Variants in GOLGA6L2 observed in about 807,000 individuals in gnomAD.
The protein encoded by GOLGA6L2 is golgin A6 family like 2.
In GOLGA6L2, 30 loss-of-function variants were observed where a neutral mutation model predicts 35.9. That is an observed-to-expected ratio of 0.83 (90% CI 0.62 to 1.13). The LOEUF (loss-of-function observed/expected upper bound fraction) is 1.13, where lower values mean the gene tolerates loss of function less well. GOLGA6L2 is among the 50% of genes most tolerant of loss of function. The pLI, the probability that GOLGA6L2 is intolerant of heterozygous loss-of-function variation, is 0.00. For missense variants in GOLGA6L2, 821 were observed against 973.4 expected (o/e 0.84, Z 2.08); for synonymous variants, 297 against 344.0 (o/e 0.86, Z 1.51).
At chr15:23,442,314 C>G in intron 6 of GOLGA6L2, 136 bp downstream of exon 6, 3 of 1,187,154 alleles carry the variant, frequency 2.5e-6, no homozygotes, top group Non-Finnish European at 3.6e-6. Context: ...AGTGGCACAG[C>G]CGGCACTAGA....
Position 23,439,271 on chromosome 15 carries a change from C to A in GOLGA6L2, c.*474G>T, listed in dbSNP as rs28691768. 6.6e-6 allele frequency among the ~76,000 whole-genome samples: 1 copy of A among 151,072 alleles called. No homozygotes were observed. The highest frequency in any genetic ancestry group is 6.6e-5 in the Admixed American group (1 of 15,186). On this transcript the variant is annotated 3_prime_UTR_variant, in exon 8 of 8. Transcript: ENST00000567107. Reference sequence around the variant, plus strand: ...GTGATTACAGGCGTGCACAACCACGCCCGGCTAACTTGTATTTTTAGTAGA... The same window carrying A: ...GTGATTACAGGCGTGCACAACCACGACCGGCTAACTTGTATTTTTAGTAGA...
At position 23,439,842 on chromosome 15, in the gene GOLGA6L2, T is replaced by C. The variant is rs1567285906; in HGVS notation, c.2633A>G (p.Glu878Gly). The C allele has an allele frequency of 6.9e-7, 1 of 1,440,396 alleles. No individual in the cohort carries two copies. The highest frequency in any genetic ancestry group is 1.9e-5 in the African/African-American group (1 of 52,622). The allele number at this position is 1,440,396 out of a possible 1,614,324, so 89.2% of individuals were successfully genotyped here. A position where few individuals can be genotyped will look rare whatever the true frequency, so the allele number is the denominator to read the frequency against. ...GAGGDAREGG[E>G]DTRSEREDAG... ...ATCTTCTCTTTCTGATCTCGTATCC[T>C]CTCCTCCTTCTCTCGCATCTCCTCC... is the stretch of plus-strand genomic sequence containing the variant. The change falls in exon 8 of 8, where the codon GAG becomes GGG. Residue 878 changes from glutamate to glycine, a missense_variant. Around this residue, in one of 7 missense-constraint regions of GOLGA6L2, gnomAD observed 48 missense variants for 42.7 expected, o/e 1.12. Coordinates refer to ENST00000567107, the MANE Select transcript of GOLGA6L2 (RefSeq NM_001304388.2).
intron 1 of GOLGA6L2, among the ~76,000 whole-genome samples, chr15:23,446,095 C>A (rs1357339662): frequency 6.6e-6 from 1 of 152,196 alleles, no homozygotes; most frequent in Admixed American, 6.5e-5. Flanking sequence ...TTCCCAAGAT[C>A]TATTCCACAG....
rs762026839 is a variant in GOLGA6L2 at position 23,439,856 on chromosome 15, C to A, written c.2619G>T (p.Ala873=). ...GGEDVGAGGD[A]REGGEDTRSE... is the part of the protein sequence containing the mutation. ...ATCTCGTATCCTCTCCTCCTTCTCTCGCATCTCCTCCTGCCCCCACATCTT... is the reference window on the plus strand; with the variant it reads ...ATCTCGTATCCTCTCCTCCTTCTCTAGCATCTCCTCCTGCCCCCACATCTT... The change falls in exon 8 of 8, where the codon GCG becomes GCT. Residue 873 remains alanine (A), a synonymous_variant. Coordinates refer to ENST00000567107, the MANE Select transcript of GOLGA6L2 (RefSeq NM_001304388.2). 1 of 1,095,164 alleles carries A rather than the reference C, an allele frequency of 9.1e-7. No homozygotes were observed. 67.8% of individuals were successfully genotyped at this position (1,095,164 alleles called of 1,614,324 possible).
In GOLGA6L2 at chr15:23,441,738, AG is replaced by A. The variant is rs1352859887; in HGVS notation, c.793-57del. On this transcript the variant is annotated intron_variant, in intron 7 of 7. Transcript: ENST00000567107. ...ATATAAATGTAATCTATAAAATAAC[AG>A]TTTTCATCTATGATTCTTTAAAAAA... The A allele has an allele frequency of 2.4e-5, 35 of 1,429,470 alleles. 1 individual carries two copies. In the Admixed American group the frequency reaches 8.3e-4, roughly 34 times the overall value. 88.5% of individuals were successfully genotyped at this position (1,429,470 alleles called of 1,614,324 possible). A position where few individuals can be genotyped will look rare whatever the true frequency, so the allele number is the denominator to read the frequency against.
At chr15:23,444,619 A>C in intron 2 of GOLGA6L2, 119 bp from the exon 3 acceptor site, 1 of 827,908 alleles carries the variant, frequency 1.2e-6, no homozygotes, top group Non-Finnish European at 2.0e-6. Flanking sequence ...CTCAGACCCA[A>C]TGGGAACATG....
At chr15:23,443,609 A>T (rs375130685) in intron 5 of GOLGA6L2, among the ~76,000 whole-genome samples, 168 bp downstream of exon 5, 1 of 152,180 alleles carries the variant, frequency 6.6e-6, no homozygotes, top group East Asian at 1.9e-4. Context: ...CACCCACAGC[A>T]GCTGACTCAG....
intron 5 of GOLGA6L2, 81 bp from the exon 6 acceptor site, chr15:23,442,589 C>G: frequency 7.7e-7 from 1 of 1,305,686 alleles, no homozygotes; most frequent in South Asian, 1.3e-5. Flanking sequence ...TACACTGATA[C>G]TCCACAGTAA....
In GOLGA6L2 at chr15:23,439,387, T is replaced by C; in HGVS notation, c.*358A>G. 1 of 382,006 alleles carries C rather than the reference T, an allele frequency of 2.6e-6. No individual in the cohort carries two copies. Among genetic ancestry groups the C allele is most frequent in the South Asian group, 2.4e-5 (1 of 41,296 alleles). The allele number at this position is 382,006 out of a possible 1,614,324, so 23.7% of individuals were successfully genotyped here. On this transcript the variant is annotated 3_prime_UTR_variant, in exon 8 of 8. Coordinates refer to ENST00000567107, the MANE Select transcript of GOLGA6L2 (RefSeq NM_001304388.2). ...TAGGTCTCCCAAAGTGCTGCGGTTG[T>C]AGGTTTCGGCCACAAGGCCTGGCTA...
In GOLGA6L2 at chr15:23,439,363, A is replaced by C; in HGVS notation, c.*382T>G. 1 of 347,784 alleles carries C rather than the reference A, an allele frequency of 2.9e-6. No homozygotes were observed. The highest frequency in any genetic ancestry group is 5.5e-6 in the Non-Finnish European group (1 of 182,384). The allele number at this position is 347,784 out of a possible 1,614,324, so 21.5% of individuals were successfully genotyped here. A position where few individuals can be genotyped will look rare whatever the true frequency, so the allele number is the denominator to read the frequency against. ...TGACCTCAGGTGATCCACCCCCTCT[A>C]GGTCTCCCAAAGTGCTGCGGTTGTA... is the stretch of plus-strand genomic sequence containing the variant. On this transcript the variant is annotated 3_prime_UTR_variant, in exon 8 of 8. Transcript: ENST00000567107.
chr15:23,446,710 A>C (rs1886793017), intron 1 of GOLGA6L2, among the ~76,000 whole-genome samples: 1 of 151,912 alleles, frequency 6.6e-6, no homozygotes, highest in South Asian at 2.1e-4. Flanking sequence ...CCAAGTATGG[A>C]GCGGGGAGCC....
At position 23,441,524 on chromosome 15, in the gene GOLGA6L2, CCG is replaced by C. The variant is rs2070691543; in HGVS notation, c.949_950del (p.Arg317GlufsTer329). The C allele has an allele frequency of 7.3e-7, 1 of 1,365,562 alleles. No homozygotes were observed. The highest frequency in any genetic ancestry group is 2.0e-5 in the African/African-American group (1 of 50,232). 84.6% of individuals were successfully genotyped at this position (1,365,562 alleles called of 1,614,324 possible). ...GKMREQEEKM[R>X]RQEKRLREQE... Reference sequence around the variant, plus strand: ...GCTCTCGCAGCCTCTTCTCCTGTCTCCGCATCTTCTCCTCCTGCTCCCGCATC... The same window carrying C: ...GCTCTCGCAGCCTCTTCTCCTGTCTCCATCTTCTCCTCCTGCTCCCGCATC... On this transcript the variant is annotated frameshift_variant, in exon 8 of 8. Transcript: ENST00000567107. LOFTEE classifies it low-confidence loss of function (END_TRUNC).
intron 7 of GOLGA6L2, 148 bp from the exon 8 acceptor site, chr15:23,441,830 G>T (rs1409264150): frequency 7.4e-6 from 10 of 1,355,346 alleles, no homozygotes; most frequent in Non-Finnish European, 6.8e-6. Context: ...TAGATTTTTA[G>T]CACACTCTAG....
rs1214727972 is a variant in GOLGA6L2, at chr15:23,444,230, CAG to C, written c.244-20_244-19del. 1 of 1,603,276 alleles carries C rather than the reference CAG, an allele frequency of 6.2e-7. No individual in the cohort carries two copies. The highest frequency in any genetic ancestry group is 1.3e-5 in the African/African-American group (1 of 74,806). ...TTCTTTTCCTATAGAAAGAGGAAGACAGAGCTCTTACTAGGGGGAGGCAGAGA... is the reference window on the plus strand; with the variant it reads ...TTCTTTTCCTATAGAAAGAGGAAGACAGCTCTTACTAGGGGGAGGCAGAGA... On this transcript the variant is annotated intron_variant, in intron 3 of 7. Transcript: ENST00000567107.
chr15:23,441,909 T>C (rs970397296), intron 7 of GOLGA6L2, 70 bp downstream of exon 7: 574 of 1,505,896 alleles, frequency 3.8e-4, no homozygotes, highest in Non-Finnish European at 4.7e-4. Flanking sequence ...TCCCCATACC[T>C]TGCATGATCC....
In GOLGA6L2 at chr15:23,444,017, C is replaced by T. The variant is rs200593396; in HGVS notation, c.351G>A (p.Ala117=). ...LTCQKTELET[A]LYYSQDAARK... ...TGGCAGCATCCTGGCTGTAATAGAG[C>T]GCTGTCTCCAGTTCAGTTTTCTGAC... Residue 117 remains alanine (A), a synonymous_variant, in exon 5 of 8, where the codon GCG becomes GCA. Coordinates refer to ENST00000567107, the MANE Select transcript of GOLGA6L2 (RefSeq NM_001304388.2). 7.9e-5 allele frequency: 122 copies of T among 1,551,608 alleles called. No homozygotes were observed. The highest frequency in any genetic ancestry group is 8.7e-5 in the Non-Finnish European group (101 of 1,154,932).
rs1174100959 is a variant in GOLGA6L2, at chr15:23,439,154, T to TTTTA, written c.*590_*591insTAAA. Among the ~76,000 whole-genome samples, 2 of 144 alleles carry TTTTA rather than the reference T, an allele frequency of 0.014. No individual in the cohort carries two copies. The highest frequency in any genetic ancestry group is 0.029 in the African/African-American group (2 of 68). The allele number at this position is 144 out of a possible 152,430, so 0.1% of individuals were successfully genotyped here. A position where few individuals can be genotyped will look rare whatever the true frequency, so the allele number is the denominator to read the frequency against. ...GATATCAGAGTCCTCAGGTAGAAAC[T>TTTTA]TTTTTTTTTTTTTTGAGATGGAATC... is the stretch of plus-strand genomic sequence containing the variant. On this transcript the variant is annotated 3_prime_UTR_variant, in exon 8 of 8. Transcript: ENST00000567107.
In GOLGA6L2 at chr15:23,441,162, T is replaced by G. The variant is rs1423252847; in HGVS notation, c.1313A>C (p.Lys438Thr). 12 of 1,537,406 alleles carry G rather than the reference T, an allele frequency of 7.8e-6. No homozygotes were observed. The highest frequency in any genetic ancestry group is 2.5e-5 in the East Asian group (1 of 40,706). The change falls in exon 8 of 8, where the codon AAG becomes ACG. Residue 438 changes from lysine (K) to threonine (T), a missense_variant. Transcript: ENST00000567107. ...CATCTTCTCCTCCTGGTCCCGCGTC[T>G]TCTTCTCCTGCTCCTGCATCTTCTT... ...EEKKMQEQEK[K>T]TRDQEEKMQE... is the part of the protein sequence containing the mutation.
At chr15:23,444,578 G>A in intron 2 of GOLGA6L2, 78 bp from the exon 3 acceptor site, 2 of 1,371,292 alleles carry the variant, frequency 1.5e-6, no homozygotes, top group Non-Finnish European at 2.0e-6. Flanking sequence ...CGGTACGCAG[G>A]GGTCAGGAAT....
Sources: allele counts gnomAD v4.1 joint callset (sites outside exome capture counted in the v4.1 genomes callset), GRCh38; gene constraint gnomAD v4.1.1; regional missense constraint gnomAD v4.1.1; transcripts MANE v1.5; gene names NCBI Gene and HGNC (gene_info 2026-07-23, HGNC 2026-07-21).